The following TCF7L2 variants were observed in gnomAD, a reference collection of about 807,000 sequenced individuals.
The protein encoded by TCF7L2 is transcription factor 7-like 2.
A neutral mutation model predicts 77.9 loss-of-function variants in TCF7L2; 23 were observed. That is an observed-to-expected ratio of 0.30 (90% CI 0.21 to 0.42). The LOEUF (loss-of-function observed/expected upper bound fraction) is 0.42, where lower values mean the gene tolerates loss of function less well. TCF7L2 is among the 10% of genes least tolerant of loss of function. The pLI is 1.00. For synonymous variants in TCF7L2, 413 were observed against 340.2 expected (o/e 1.21, Z -2.36); for missense variants, 654 against 793.1 (o/e 0.82, Z 2.11).
chr10:113,010,365 C>G (rs1021600479), intron 4 of TCF7L2, among the ~76,000 whole-genome samples: 1 of 152,068 alleles, frequency 6.6e-6, no homozygotes, highest in Non-Finnish European at 1.5e-5. Flanking sequence ...TGCCAATGCC[C>G]GGGGCCCACT....
rs748441361 is a variant in TCF7L2 at position 113,141,332 on chromosome 10, C to CGGAG, written c.685+17_685+20dup. 1.1e-5 allele frequency: 17 copies of CGGAG among 1,613,886 alleles called. No homozygotes were observed. The African/African-American group carries it at 2.1e-4, about 20-fold the overall frequency. On this transcript the variant is annotated intron_variant, in intron 6 of 13. Transcript: ENST00000627217. ...CCCAAAACAGGTAGGCTGTGGGCTACGGAGCCAAGGTAGAGTGCTGGTCCT... is the reference window on the plus strand; with the variant it reads ...CCCAAAACAGGTAGGCTGTGGGCTACGGAGGGAGCCAAGGTAGAGTGCTGGTCCT...
At chr10:113,113,555 C>T (rs536305767) in intron 5 of TCF7L2, among the ~76,000 whole-genome samples, 95 of 152,276 alleles carry the variant, frequency 6.2e-4, no homozygotes, top group African/African-American at 2.3e-3. Context: ...AGATGTGAGG[C>T]ATTTCTTAGA....
At chr10:112,995,131 T>G (rs2043231344) in intron 4 of TCF7L2, among the ~76,000 whole-genome samples, 1 of 152,114 alleles carries the variant, frequency 6.6e-6, no homozygotes. Context: ...GGCTGTCATG[T>G]TAGATCCACC....
At chr10:113,133,987 G>A (rs993983994) in intron 5 of TCF7L2, among the ~76,000 whole-genome samples, 40 of 152,184 alleles carry the variant, frequency 2.6e-4, no homozygotes, top group African/African-American at 8.4e-4. Flanking sequence ...GCATCTCACA[G>A]GCAGATCTCT....
intron 5 of TCF7L2, among the ~76,000 whole-genome samples, chr10:113,118,520 G>GTGTGTGTGT (rs1555084612): frequency 0.13 from 17,995 of 141,214 alleles, 1,241 homozygotes; most frequent in East Asian, 0.19. Context: ...TCATCTGGGG[G>GTGTGTGTGT]GTGTGTGTGT....
At chr10:112,959,205 G>A (rs551850125) in intron 3 of TCF7L2, among the ~76,000 whole-genome samples, 1 of 152,248 alleles carries the variant, frequency 6.6e-6, no homozygotes, top group Non-Finnish European at 1.5e-5. Context: ...GCACAAAGTG[G>A]AGAAACGATG....
chr10:113,144,114 GTGTGTGTGTGTGTGTGTGTGTGTA>G (rs1564957024), intron 7 of TCF7L2, 89 bp downstream of exon 7: 8 of 771,490 alleles, frequency 1.0e-5, no homozygotes, highest in Admixed American at 8.1e-5. Flanking sequence ...GTGTGTGTGT[GTGTGTGTGTGTGTGTGTGTGTGTA>G]TGTGTGTGTG....
chr10:112,976,821 G>A (rs2039508592), intron 4 of TCF7L2, among the ~76,000 whole-genome samples: 1 of 152,122 alleles, frequency 6.6e-6, no homozygotes, highest in Non-Finnish European at 1.5e-5. Context: ...TTTGATTCCA[G>A]CTCTCCATCA....
chr10:113,011,559 A>G (rs1304271518), intron 4 of TCF7L2, among the ~76,000 whole-genome samples: 4 of 152,148 alleles, frequency 2.6e-5, no homozygotes, highest in Admixed American at 2.0e-4. Context: ...TACCTTGAGT[A>G]TTGCTGTCAA....
chr10:113,138,091 A>G (rs1305442477), intron 5 of TCF7L2, among the ~76,000 whole-genome samples: 2 of 152,146 alleles, frequency 1.3e-5, no homozygotes, highest in African/African-American at 4.8e-5. Context: ...CTTGCAAGGG[A>G]ACCCATGAGC....
intron 4 of TCF7L2, among the ~76,000 whole-genome samples, chr10:113,008,356 G>A (rs986888427): frequency 6.6e-6 from 1 of 152,100 alleles, no homozygotes; most frequent in African/African-American, 2.4e-5. Flanking sequence ...CTGCCCTTTA[G>A]CCTCTCAGTG....
chr10:113,161,474 T>C, intron 13 of TCF7L2: 1 of 1,244,840 alleles, frequency 8.0e-7, no homozygotes, highest in South Asian at 1.3e-5. Flanking sequence ...AAAGTGTAGG[T>C]ACTTCCTTCT....
At chr10:113,105,202 C>T (rs990871023) in intron 5 of TCF7L2, among the ~76,000 whole-genome samples, 1 of 152,128 alleles carries the variant, frequency 6.6e-6, no homozygotes, top group African/African-American at 2.4e-5. Context: ...CTGTGCCAGG[C>T]AGGGTTCTGG....
At chr10:112,954,183 TAGGGTGTGTTTTTAATGGC>T (rs2032857111) in intron 3 of TCF7L2, among the ~76,000 whole-genome samples, 1 of 128,700 alleles carries the variant, frequency 7.8e-6, no homozygotes, top group Non-Finnish European at 1.6e-5. Flanking sequence ...TAGTGTTTTA[TAGGGTGTGTTTTTAATGGC>T]AAGGTGTAAA....
At chr10:112,985,810 G>A (rs2041387847) in intron 4 of TCF7L2, among the ~76,000 whole-genome samples, 1 of 151,892 alleles carries the variant, frequency 6.6e-6, no homozygotes, top group Non-Finnish European at 1.5e-5. Context: ...TAGAAGTTGG[G>A]AGGGCTGCCT....
intron 3 of TCF7L2, among the ~76,000 whole-genome samples, chr10:112,955,345 C>T (rs1314949836): frequency 6.6e-6 from 1 of 152,124 alleles, no homozygotes; most frequent in Non-Finnish European, 1.5e-5. Flanking sequence ...TCAATGCAAC[C>T]GTATTAATTC....
rs150751629 is a variant in TCF7L2, at chr10:113,032,773, G to A, written c.451-7252G>A. On this transcript the variant is annotated intron_variant, in intron 4 of 13. Coordinates refer to ENST00000627217, the MANE Select transcript of TCF7L2 (RefSeq NM_001146274.2). Reference sequence around the variant, plus strand: ...GGCCTTAGTTTCCTCCTTGCTAACAGGTTAGTTCCACCTTTCTGCCCATTT... The same window carrying A: ...GGCCTTAGTTTCCTCCTTGCTAACAAGTTAGTTCCACCTTTCTGCCCATTT... Among the ~76,000 whole-genome samples, 436 of 152,294 alleles carry A rather than the reference G, an allele frequency of 2.9e-3. 7 individuals are homozygous for A. Among genetic ancestry groups the A allele is most frequent in the Admixed American group, 9.7e-3 (148 of 15,304 alleles).
At chr10:113,116,731 C>T (rs2063779528) in intron 5 of TCF7L2, among the ~76,000 whole-genome samples, 1 of 146,034 alleles carries the variant, frequency 6.8e-6, no homozygotes, top group Admixed American at 6.9e-5. Context: ...AAAATAGATC[C>T]ATAGATAATC....
In TCF7L2 at chr10:113,027,064, G is replaced by C. The variant is rs570016728; in HGVS notation, c.451-12961G>C. ...AGAGAAGGGAGAGTGGTCAGCCCTG[G>C]CCTTAAACATGAGAAAATAAAGGTG... On this transcript the variant is annotated intron_variant, in intron 4 of 13. Transcript: ENST00000627217. Among the ~76,000 whole-genome samples the C allele has an allele frequency of 3.3e-5, 5 of 152,320 alleles. No individual in the cohort carries two copies. In the South Asian group the frequency reaches 1.0e-3, roughly 32 times the overall value.
Sources: gnomAD v4.1 joint callset for allele counts (sites outside exome capture counted in the v4.1 genomes callset) on GRCh38, gnomAD v4.1.1 for gene constraint, MANE v1.5 for transcripts, NCBI Gene and HGNC (gene_info 2026-07-23, HGNC 2026-07-21) for gene names.